HECW2: variants seen among roughly 807,000 people sequenced by gnomAD.
HECW2 encodes the protein HECT, C2 and WW domain containing E3 ubiquitin protein ligase 2.
In HECW2, 61 loss-of-function variants were observed where a neutral mutation model predicts 175.2. The ratio of observed to expected loss-of-function variants is 0.35; its 90% CI spans 0.28 to 0.43. HECW2 has a LOEUF of 0.43. Among genes scored for constraint, HECW2 ranks in the 20% least tolerant of loss-of-function variants. HECW2 has a pLI of 1.00. For synonymous variants in HECW2, 671 were observed against 731.0 expected (o/e 0.92, Z 1.32); for missense variants, 1,524 against 2,000.5 (o/e 0.76, Z 4.54).
At chr2:196,327,083 A>C (rs1028109468) in intron 5 of HECW2, among the ~76,000 whole-genome samples, 1 of 152,164 alleles carries the variant, frequency 6.6e-6, no homozygotes, top group Admixed American at 6.5e-5. Flanking sequence ...ATCTATGCCC[A>C]AAAAAGGGTT....
chr2:196,318,839 C>G lies in HECW2; in HGVS notation c.2051G>C (p.Cys684Ser). ...GCCACTGCTGGTGGGCTCTGCTGCA[C>G]AGGCTCCGTCTTCCTCCTCCTGAGA... Reference protein sequence around the residue: ...FSSQEEEDGACAAEPTSSGPA... With the variant: ...FSSQEEEDGASAAEPTSSGPA... Residue 684 changes from cysteine to serine, a missense_variant, in exon 9 of 29, where the codon TGT becomes TCT. This residue lies in a region of HECW2 where 604 missense variants were observed against 588.3 expected (regional missense o/e 1.03). Coordinates refer to ENST00000644978, the MANE Select transcript of HECW2 (RefSeq NM_001348768.2). 1 of 1,546,638 alleles carries G rather than the reference C, an allele frequency of 6.5e-7. No homozygotes were observed.
In HECW2 at chr2:196,528,771, C is replaced by T. The variant is rs534094288; in HGVS notation, c.-36+64737G>A. ...AAAAGAATGAGGAGAAAGAATTCCA[C>T]ATCCCTCTAACTTTTCATTCTGCAG... On this transcript the variant is annotated intron_variant, in intron 1 of 28. Transcript: ENST00000644978. Among the ~76,000 whole-genome samples the T allele has an allele frequency of 2.0e-5, 3 of 152,326 alleles. No homozygotes were observed. The East Asian group carries it at 5.8e-4, about 29-fold the overall frequency.
intron 4 of HECW2, among the ~76,000 whole-genome samples, chr2:196,334,021 G>A (rs1285255347): frequency 1.3e-5 from 2 of 152,134 alleles, no homozygotes; most frequent in Admixed American, 1.3e-4. Context: ...ACTCCCTTCC[G>A]AGCAACGGCT....
chr2:196,358,772 T>C (rs1337381457), intron 2 of HECW2, among the ~76,000 whole-genome samples: 1 of 152,192 alleles, frequency 6.6e-6, no homozygotes, highest in African/African-American at 2.4e-5. Flanking sequence ...AAAGGCATGC[T>C]TATTTATGTT....
At chr2:196,255,190 C>A (rs1226146007) in intron 18 of HECW2, among the ~76,000 whole-genome samples, 10 of 135,080 alleles carry the variant, frequency 7.4e-5, no homozygotes, top group African/African-American at 2.7e-4. Flanking sequence ...GGGGTTTCAC[C>A]ATGTTGGCCA....
chr2:196,242,225 A>C (rs1688483405), intron 19 of HECW2, 21 bp from the exon 20 acceptor site: 2 of 1,613,758 alleles, frequency 1.2e-6, no homozygotes, highest in Non-Finnish European at 1.7e-6. Context: ...CCACAAAGAG[A>C]GGACAATCTG....
At chr2:196,340,241 G>T (rs897225901) in intron 3 of HECW2, among the ~76,000 whole-genome samples, 4 of 152,100 alleles carry the variant, frequency 2.6e-5, no homozygotes, top group Non-Finnish European at 5.9e-5. Context: ...CAGCTCCAGA[G>T]ATTCAACCAA....
chr2:196,405,290 G>A (rs1343645210), intron 2 of HECW2, among the ~76,000 whole-genome samples: 1 of 152,090 alleles, frequency 6.6e-6, no homozygotes, highest in Non-Finnish European at 1.5e-5. Flanking sequence ...ATGCTCATGA[G>A]TCTTACTTTA....
intron 23 of HECW2, among the ~76,000 whole-genome samples, chr2:196,223,135 T>C (rs1687728252): frequency 6.6e-6 from 1 of 152,218 alleles, no homozygotes; most frequent in Admixed American, 6.5e-5. Flanking sequence ...GAATAGCTAC[T>C]TGATGAATAG....
chr2:196,457,569 T>C (rs1374015524), intron 1 of HECW2, among the ~76,000 whole-genome samples: 1 of 152,196 alleles, frequency 6.6e-6, no homozygotes, highest in Non-Finnish European at 1.5e-5. Flanking sequence ...AGAAATAATA[T>C]AAATTGATTA....
At chr2:196,453,783 A>T (rs533642842) in intron 1 of HECW2, among the ~76,000 whole-genome samples, 198 of 152,290 alleles carry the variant, frequency 1.3e-3, no homozygotes, top group Non-Finnish European at 2.4e-3. Context: ...ACCTAATGAC[A>T]GCACACCTAG....
At chr2:196,324,899 G>T in intron 6 of HECW2, 81 bp downstream of exon 6, 1 of 1,180,030 alleles carries the variant, frequency 8.5e-7, no homozygotes, top group Non-Finnish European at 1.2e-6. Context: ...ACAACCTGAG[G>T]GATGCAAAAG....
intron 1 of HECW2, among the ~76,000 whole-genome samples, chr2:196,544,546 C>T (rs1689343614): frequency 6.6e-6 from 1 of 152,184 alleles, no homozygotes; most frequent in South Asian, 2.1e-4. Context: ...AAAACTACCT[C>T]ACAATTCCAC....
chr2:196,426,866 T>C (rs1695562977), intron 2 of HECW2, among the ~76,000 whole-genome samples: 1 of 152,174 alleles, frequency 6.6e-6, no homozygotes, highest in South Asian at 2.1e-4. Flanking sequence ...TGATAATGCT[T>C]TGGTTTACTA....
At chr2:196,421,145 G>A (rs1695396731) in intron 2 of HECW2, among the ~76,000 whole-genome samples, 1 of 152,086 alleles carries the variant, frequency 6.6e-6, no homozygotes, top group South Asian at 2.1e-4. Context: ...CATTTCCATT[G>A]AGGGTATAAA....
At chr2:196,459,754 G>A (rs1212772697) in intron 1 of HECW2, among the ~76,000 whole-genome samples, 1 of 152,128 alleles carries the variant, frequency 6.6e-6, no homozygotes. Flanking sequence ...AGACCACAGA[G>A]TGGTTCTGGC....
At chr2:196,440,359 G>A (rs763748596) in intron 1 of HECW2, among the ~76,000 whole-genome samples, 5 of 151,998 alleles carry the variant, frequency 3.3e-5, no homozygotes, top group Non-Finnish European at 7.4e-5. Flanking sequence ...TACAACAAGG[G>A]ACTATTATCT....
intron 3 of HECW2, 124 bp downstream of exon 3, chr2:196,343,533 C>T: frequency 1.5e-6 from 1 of 655,614 alleles, no homozygotes; most frequent in Non-Finnish European, 2.6e-6. Context: ...TATTTTCCAT[C>T]ATGGCATAAA....
At chr2:196,378,499 G>A (rs911329574) in intron 2 of HECW2, among the ~76,000 whole-genome samples, 2 of 152,030 alleles carry the variant, frequency 1.3e-5, no homozygotes, top group South Asian at 2.1e-4. Context: ...AAAATAAAAT[G>A]TTTAAACACG....
Sources: allele counts gnomAD v4.1 joint callset (sites outside exome capture counted in the v4.1 genomes callset), GRCh38; gene constraint gnomAD v4.1.1; regional missense constraint gnomAD v4.1.1; transcripts MANE v1.5; gene names NCBI Gene and HGNC (gene_info 2026-07-23, HGNC 2026-07-21).